Variants in BAZ1A observed in about 807,000 individuals in gnomAD.
The protein encoded by BAZ1A is bromodomain adjacent to zinc finger domain 1A.
BAZ1A carries 50 observed loss-of-function variants against 185.2 expected under a neutral mutation model. That is an observed-to-expected ratio of 0.27 (90% CI 0.22 to 0.34). The LOEUF (loss-of-function observed/expected upper bound fraction) is 0.34. Ranked by LOEUF, BAZ1A falls within the 10% of genes least tolerant of loss-of-function variation. The pLI is 1.00. For missense variants in BAZ1A, 1,356 were observed against 1,839.9 expected, an observed-to-expected ratio of 0.74 and a Z score of 4.81; for synonymous variants, 571 against 615.6, an observed-to-expected ratio of 0.93 and a Z score of 1.07.
chr14:34,803,938 T>C (rs1055437682), intron 6 of BAZ1A, among the ~76,000 whole-genome samples: 7 of 152,220 alleles, frequency 4.6e-5, no homozygotes, highest in Non-Finnish European at 1.0e-4. Flanking sequence ...AATTATTAAA[T>C]CCAAGAGTTT....
intron 2 of BAZ1A, among the ~76,000 whole-genome samples, chr14:34,873,697 C>G (rs2042989955): frequency 6.6e-6 from 1 of 152,238 alleles, no homozygotes; most frequent in African/African-American, 2.4e-5. Context: ...CTGCTTCTTC[C>G]CCCTTCCTCT....
chr14:34,776,031 A>T lies in BAZ1A; in HGVS notation c.2721T>A (p.Ala907=), dbSNP rs775399701. 4 of 1,614,194 alleles carry T rather than the reference A, an allele frequency of 2.5e-6. No homozygotes were observed. The South Asian group carries it at 4.4e-5, about 18-fold the overall frequency. The stretch of plus-strand genomic sequence containing the variant: ...TTTCTCTATGTCCTCTAGAATTAAG[A>T]GCTTCAATAAGCTGGTCTAGCTGTT... The part of the protein sequence containing the change: ...SCEQLDQLIE[A]LNSRGHRESA... The change falls in exon 18 of 27, where the codon GCT becomes GCA. Residue 907 remains alanine (A), a synonymous_variant. Transcript: ENST00000360310.
At chr14:34,754,207 G>A (rs112182670) in intron 26 of BAZ1A, among the ~76,000 whole-genome samples, 29,536 of 146,832 alleles carry the variant, frequency 0.2, 3,463 homozygotes, top group Non-Finnish European at 0.26. Context: ...AGCTGAGATC[G>A]CACCACTGCA....
At chr14:34,871,206 G>A (rs563870793) in intron 2 of BAZ1A, among the ~76,000 whole-genome samples, 40 of 152,156 alleles carry the variant, frequency 2.6e-4, no homozygotes, top group African/African-American at 8.9e-4. Flanking sequence ...AATTGTTGTC[G>A]GCTAGCCAAA....
chr14:34,774,329 T>C lies in BAZ1A; in HGVS notation c.2995A>G (p.Lys999Glu). The change falls in exon 19 of 27, where the codon AAG becomes GAG. Residue 999 changes from lysine (K) to glutamate (E), a missense_variant and splice_region_variant. Around this residue, in one of 7 missense-constraint regions of BAZ1A, gnomAD observed 434 missense variants for 561.7 expected, o/e 0.77. Transcript: ENST00000360310. Reference sequence around the variant, plus strand: ...TAAAAATGGGAACAAGTACAAACCTTGATGGCTCCTAATGTTCCTTGGTAG... The same window carrying C: ...TAAAAATGGGAACAAGTACAAACCTCGATGGCTCCTAATGTTCCTTGGTAG... ...RIYQGTLGAI[K>E]VTDRHIWRSA... The C allele has an allele frequency of 1.9e-6, 3 of 1,604,736 alleles. No individual in the cohort carries two copies. The highest frequency in any genetic ancestry group is 2.5e-6 in the Non-Finnish European group (3 of 1,177,548).
At chr14:34,856,113 A>G (rs1208173238) in intron 3 of BAZ1A, among the ~76,000 whole-genome samples, 1 of 152,172 alleles carries the variant, frequency 6.6e-6, no homozygotes, top group East Asian at 1.9e-4. Context: ...AAACACTGAG[A>G]TATCATCCAA....
At chr14:34,757,734 A>C (rs10151842) in intron 25 of BAZ1A, among the ~76,000 whole-genome samples, 324 of 138,960 alleles carry the variant, frequency 2.3e-3, no homozygotes, top group African/African-American at 8.0e-3. Context: ...GTCTAACTCT[A>C]TTGTTTTCTT....
chr14:34,773,816 C>A, intron 19 of BAZ1A, 90 bp from the exon 20 acceptor site: 1 of 1,269,622 alleles, frequency 7.9e-7, no homozygotes, highest in South Asian at 1.3e-5. Flanking sequence ...AAAATCAATT[C>A]ATGGATATTT....
chr14:34,803,342 G>A (rs369913451), intron 6 of BAZ1A, among the ~76,000 whole-genome samples: 3 of 141,754 alleles, frequency 2.1e-5, no homozygotes, highest in African/African-American at 7.9e-5. Flanking sequence ...TCGTGCCACT[G>A]CACTCCAGCC....
chr14:34,754,732 C>A, intron 26 of BAZ1A, 95 bp downstream of exon 26: 1 of 778,658 alleles, frequency 1.3e-6, no homozygotes. Flanking sequence ...AACAGAAAAA[C>A]AGCCTCTACC....
At chr14:34,838,632 C>A (rs2042365211) in intron 3 of BAZ1A, among the ~76,000 whole-genome samples, 1 of 151,796 alleles carries the variant, frequency 6.6e-6, no homozygotes, top group South Asian at 2.1e-4. Flanking sequence ...TTAAGCGATT[C>A]TCCTGCCTCA....
chr14:34,817,181 G>A (rs1594869707), intron 4 of BAZ1A, among the ~76,000 whole-genome samples: 1 of 151,826 alleles, frequency 6.6e-6, no homozygotes, highest in East Asian at 1.9e-4. Flanking sequence ...TAGCCAAGAA[G>A]TCAATTTTTA....
intron 23 of BAZ1A, among the ~76,000 whole-genome samples, chr14:34,762,567 C>G (rs990985281): frequency 3.3e-5 from 5 of 151,940 alleles, no homozygotes; most frequent in Non-Finnish European, 7.4e-5. Flanking sequence ...GCCTGACCTC[C>G]CTGTGATCAG....
intron 6 of BAZ1A, among the ~76,000 whole-genome samples, chr14:34,805,635 A>G (rs1381372128): frequency 6.9e-6 from 1 of 144,594 alleles, no homozygotes; most frequent in Non-Finnish European, 1.6e-5. Context: ...ATAATGCTAT[A>G]GACAGAGCAT....
At chr14:34,870,989 G>T (rs1375009983) in intron 2 of BAZ1A, among the ~76,000 whole-genome samples, 1 of 151,910 alleles carries the variant, frequency 6.6e-6, no homozygotes, top group Non-Finnish European at 1.5e-5. Context: ...TGTTGTGGAA[G>T]AGAGTTATAC....
Position 34,874,139 on chromosome 14 carries a change from C to G in BAZ1A, c.113+353G>C, listed in dbSNP as rs1326236223. On this transcript the variant is annotated intron_variant, in intron 2 of 26. Coordinates refer to ENST00000360310, the MANE Select transcript of BAZ1A (RefSeq NM_013448.3). The surrounding 1 kb of genome is among the most constrained non-coding windows in gnomAD (Gnocchi z 4.7). ...CGGGAGGGGATCCCGGAACTGGCCC[C>G]GGAGTGCGCGTGTGGCCGCGGCGGG... Among the ~76,000 whole-genome samples the G allele has an allele frequency of 6.6e-6, 1 of 152,020 alleles. No individual in the cohort carries two copies. The highest frequency in any genetic ancestry group is 6.5e-5 in the Admixed American group (1 of 15,274).
chr14:34,859,264 A>G (rs1416081025), intron 3 of BAZ1A, among the ~76,000 whole-genome samples: 1 of 151,982 alleles, frequency 6.6e-6, no homozygotes, highest in Admixed American at 6.6e-5. Flanking sequence ...ATCTATACTA[A>G]AAGTTAAAAA....
chr14:34,874,499 G>T lies in BAZ1A; in HGVS notation c.106C>A (p.His36Asn), dbSNP rs139940202. The T allele has an allele frequency of 1.2e-6, 2 of 1,612,464 alleles. No homozygotes were observed. Among genetic ancestry groups the T allele is most frequent in the East Asian group, 4.5e-5 (2 of 44,618 alleles). Reference protein sequence around the residue: ...YCKVTNEIFRHYDDFFERTIL... With the variant: ...YCKVTNEIFRNYDDFFERTIL... ...ACACGGCCCGGCTCTTACTCGTAGT[G>T]GCGGAAGATCTCGTTGGTGACTTTA... The change falls in exon 2 of 27, where the codon CAC becomes AAC. Residue 36 changes from histidine (H) to asparagine (N), a missense_variant. This residue lies in a region of BAZ1A where 332 missense variants were observed against 395.3 expected (regional missense o/e 0.84). Coordinates refer to ENST00000360310, the MANE Select transcript of BAZ1A (RefSeq NM_013448.3). This position sits in a 1 kb window ranked among gnomAD's most constrained non-coding sequence, Gnocchi z 4.7.
At chr14:34,853,397 T>C (rs142666000) in intron 3 of BAZ1A, among the ~76,000 whole-genome samples, 84 of 152,332 alleles carry the variant, frequency 5.5e-4, no homozygotes, top group South Asian at 4.3e-3. Context: ...CAAAGGATCT[T>C]TTAAAATAAT....
Sources: allele counts gnomAD v4.1 joint callset (sites outside exome capture counted in the v4.1 genomes callset), GRCh38; gene constraint gnomAD v4.1.1; regional missense constraint gnomAD v4.1.1; non-coding constraint Gnocchi (gnomAD v3.1); transcripts MANE v1.5; gene names NCBI Gene and HGNC (gene_info 2026-07-23, HGNC 2026-07-21).